The following AR variants were observed in gnomAD, a reference collection of about 807,000 sequenced individuals.
The protein encoded by AR is androgen receptor.
In AR, 8 loss-of-function variants were observed where a neutral mutation model predicts 53.9. That is an observed-to-expected ratio of 0.15 (90% CI 0.09 to 0.27). AR has a LOEUF of 0.27. Ranked by LOEUF, AR falls within the 10% of genes least tolerant of loss-of-function variation. The pLI is 1.00. For missense variants in AR, 639 were observed against 742.5 expected (o/e 0.86, Z 1.62); for synonymous variants, 359 against 316.4 (o/e 1.13, Z -1.43).
chrX:67,722,822 A>T lies in AR; in HGVS notation c.2450-5A>T, dbSNP rs1316101127. The T allele has an allele frequency of 8.3e-7, 1 of 1,211,181 alleles. No individual in the cohort carries two copies. Among genetic ancestry groups the T allele is most frequent in the Admixed American group, 2.2e-5 (1 of 46,030 alleles). ...CCTCCCCATTCTGTCTTCATCCCAC[A>T]TCAGTTCCAGTGGATGGGCTGAAAA... On this transcript the variant is annotated splice_polypyrimidine_tract_variant and splice_region_variant and intron_variant, in intron 6 of 7. Coordinates refer to ENST00000374690, the MANE Select transcript of AR (RefSeq NM_000044.6).
At chrX:67,553,761 G>A (rs1431254998) in intron 1 of AR, among the ~76,000 whole-genome samples, 1 of 112,362 alleles carries the variant, frequency 8.9e-6, no homozygotes, top group Admixed American at 9.4e-5. Context: ...AAGTTTTGCA[G>A]TTCTTTTTAA....
intron 2 of AR, among the ~76,000 whole-genome samples, chrX:67,647,948 A>C (rs761735183): frequency 1.8e-5 from 2 of 112,500 alleles, no homozygotes; most frequent in East Asian, 5.6e-4. Flanking sequence ...CCATTTAAAA[A>C]TTTAGAAATC....
chrX:67,621,145 G>C (rs1414757578), intron 1 of AR, among the ~76,000 whole-genome samples: 4 of 111,739 alleles, frequency 3.6e-5, no homozygotes, highest in Non-Finnish European at 7.5e-5. Flanking sequence ...GCGTAAGAAT[G>C]ATAACACCTG....
chrX:67,717,314 A>C (rs1602275979), intron 4 of AR, among the ~76,000 whole-genome samples, 164 bp from the exon 5 acceptor site: 1 of 111,234 alleles, frequency 9.0e-6, no homozygotes, highest in East Asian at 2.9e-4. Flanking sequence ...CTCACCATAT[A>C]GTTTGTGCTT....
In AR at chrX:67,544,429, C is replaced by G. The variant is rs1289608052; in HGVS notation, c.-718C>G. Reference sequence around the variant, plus strand: ...CAGTCGGCTACTCTCAGCCAACCCCCCTCACCACCCTTCTCCCCACCCGCC... The same window carrying G: ...CAGTCGGCTACTCTCAGCCAACCCCGCTCACCACCCTTCTCCCCACCCGCC... On this transcript the variant is annotated 5_prime_UTR_variant, in exon 1 of 8. Coordinates refer to ENST00000374690, the MANE Select transcript of AR (RefSeq NM_000044.6). 2.3e-5 allele frequency: 3 copies of G among 131,596 alleles called. No individual in the cohort carries two copies. The highest frequency in any genetic ancestry group is 1.1e-4 in the African/African-American group (3 of 26,816). 10.8% of individuals were successfully genotyped at this position (131,596 alleles called of 1,213,427 possible). A position where few individuals can be genotyped will look rare whatever the true frequency, so the allele number is the denominator to read the frequency against.
chrX:67,627,753 G>A (rs1160673221), intron 1 of AR, among the ~76,000 whole-genome samples: 1 of 111,252 alleles, frequency 9.0e-6, no homozygotes, highest in Non-Finnish European at 1.9e-5. Context: ...TTTCTTCTAG[G>A]GTTTTTATGG....
At chrX:67,692,056 C>A (rs188180439) in intron 3 of AR, among the ~76,000 whole-genome samples, 65 of 112,140 alleles carry the variant, frequency 5.8e-4, no homozygotes, top group Non-Finnish European at 1.2e-3. Context: ...CACTGTCTGA[C>A]CAACATTTTG....
At position 67,726,178 on chromosome X, in the gene AR, A is replaced by G. The variant is rs1257788714; in HGVS notation, c.*2337A>G. 6 of 174,253 alleles carry G rather than the reference A, an allele frequency of 3.4e-5. No individual in the cohort carries two copies. In the East Asian group the frequency reaches 4.9e-4, roughly 14 times the overall value. The allele number at this position is 174,253 out of a possible 1,213,427, so 14.4% of individuals were successfully genotyped here. A position where few individuals can be genotyped will look rare whatever the true frequency, so the allele number is the denominator to read the frequency against. ...GGGAGAGGGGAACCTAAGATGAGTAATATGCCAATCCAAGACTGCTGGAGA... is the reference window on the plus strand; with the variant it reads ...GGGAGAGGGGAACCTAAGATGAGTAGTATGCCAATCCAAGACTGCTGGAGA... On this transcript the variant is annotated 3_prime_UTR_variant, in exon 8 of 8. Coordinates refer to ENST00000374690, the MANE Select transcript of AR (RefSeq NM_000044.6).
At chrX:67,640,854 T>C (rs1925724255) in intron 1 of AR, among the ~76,000 whole-genome samples, 1 of 111,830 alleles carries the variant, frequency 8.9e-6, no homozygotes, top group Non-Finnish European at 1.9e-5. Context: ...TTTGTGTCTT[T>C]CAAATAATAA....
chrX:67,660,532 G>A (rs1240655387), intron 2 of AR, among the ~76,000 whole-genome samples: 3 of 111,089 alleles, frequency 2.7e-5, no homozygotes, highest in African/African-American at 9.8e-5. Context: ...GTATATATGC[G>A]GCATTATTTC....
At chrX:67,694,866 T>C (rs145430672) in intron 3 of AR, 1 of 1,069,898 alleles carries the variant, frequency 9.3e-7, no homozygotes, top group African/African-American at 1.9e-5. Context: ...GGCTACTCTC[T>C]TGATTGCTGA....
At chrX:67,641,008 T>C (rs776659687) in intron 1 of AR, among the ~76,000 whole-genome samples, 2 of 111,478 alleles carry the variant, frequency 1.8e-5, no homozygotes, top group Non-Finnish European at 3.8e-5. Context: ...AATATCTCGA[T>C]CACCACTATA....
chrX:67,587,717 C>T (rs906604482), intron 1 of AR, among the ~76,000 whole-genome samples: 10 of 111,344 alleles, frequency 9.0e-5, no homozygotes, highest in Non-Finnish European at 1.7e-4. Context: ...GTTATACTTA[C>T]TCATAGTGTG....
At chrX:67,681,668 A>G (rs2075934693) in intron 2 of AR, among the ~76,000 whole-genome samples, 1 of 112,532 alleles carries the variant, frequency 8.9e-6, no homozygotes, top group African/African-American at 3.2e-5. Flanking sequence ...AAAAGGAAAC[A>G]GTGAGTTTCC....
chrX:67,701,641 G>A lies in AR; in HGVS notation c.1886-9761G>A, dbSNP rs147303464. On this transcript the variant is annotated intron_variant, in intron 3 of 7. Transcript: ENST00000374690. ...TGCACAAGCATGGGAAGGCAGTAAGGCATTCATTTCAATTCACCAGTGTAC... is the reference window on the plus strand; with the variant it reads ...TGCACAAGCATGGGAAGGCAGTAAGACATTCATTTCAATTCACCAGTGTAC... Among the ~76,000 whole-genome samples, 66 of 108,888 alleles carry A rather than the reference G, an allele frequency of 6.1e-4. No individual in the cohort carries two copies. The East Asian group carries it at 0.019, about 31-fold the overall frequency. The allele number at this position is 108,888 out of a possible 115,157, so 94.6% of individuals were successfully genotyped here. A position where few individuals can be genotyped will look rare whatever the true frequency, so the allele number is the denominator to read the frequency against.
chrX:67,617,390 T>C (rs1283914977), intron 1 of AR, among the ~76,000 whole-genome samples: 1 of 111,830 alleles, frequency 8.9e-6, no homozygotes, highest in Non-Finnish European at 1.9e-5. Context: ...TCTAATGGTG[T>C]CTGGCTTATG....
chrX:67,728,615 A>ATATATATATATATATATATATT lies in AR; in HGVS notation c.*4774_*4775insTATATATATATATATATATATT, dbSNP rs1555999011. 1.1e-5 allele frequency: 1 copy of ATATATATATATATATATATATT among 92,901 alleles called. No homozygotes were observed. The highest frequency in any genetic ancestry group is 2.1e-5 in the Non-Finnish European group (1 of 47,883). The allele number at this position is 92,901 out of a possible 1,213,427, so 7.7% of individuals were successfully genotyped here. A position where few individuals can be genotyped will look rare whatever the true frequency, so the allele number is the denominator to read the frequency against. On this transcript the variant is annotated 3_prime_UTR_variant, in exon 8 of 8. Coordinates refer to ENST00000374690, the MANE Select transcript of AR (RefSeq NM_000044.6). ...TATATATATATATATATATATATATAGTGTGTGTGTGTGTTCTGATAGCTT... is the reference window on the plus strand; with the variant it reads ...TATATATATATATATATATATATATATATATATATATATATATATATTGTGTGTGTGTGTGTTCTGATAGCTT...
chrX:67,649,050 G>C (rs1011088677), intron 2 of AR, among the ~76,000 whole-genome samples: 4 of 111,272 alleles, frequency 3.6e-5, no homozygotes, highest in Non-Finnish European at 7.5e-5. Context: ...ATAAGCCCCA[G>C]TGTGTGATGT....
chrX:67,722,793 T>C (rs989868281), intron 6 of AR, 34 bp from the exon 7 acceptor site: 3 of 1,205,314 alleles, frequency 2.5e-6, no homozygotes, highest in Non-Finnish European at 2.2e-6. Context: ...GTGGGCATGC[T>C]TCCCCTCCCC....
Sources: gnomAD v4.1 joint callset for allele counts (sites outside exome capture counted in the v4.1 genomes callset) on GRCh38, gnomAD v4.1.1 for gene constraint, MANE v1.5 for transcripts, NCBI Gene and HGNC (gene_info 2026-07-23, HGNC 2026-07-21) for gene names.